Variants in KANSL1L observed in about 807,000 individuals in gnomAD.
KANSL1L encodes the protein KAT8 regulatory NSL complex subunit 1-like protein.
A neutral mutation model predicts 108.6 loss-of-function variants in KANSL1L; 25 were observed. The observed-to-expected ratio is 0.23, with a 90% CI of 0.17 to 0.32. The LOEUF (loss-of-function observed/expected upper bound fraction) is 0.32. KANSL1L is among the 10% of genes least tolerant of loss of function. The pLI is 1.00. For missense variants in KANSL1L, 1,137 were observed against 1,125.7 expected, an observed-to-expected ratio of 1.01 and a Z score of -0.14; for synonymous variants, 405 against 395.1, an observed-to-expected ratio of 1.03 and a Z score of -0.30.
intron 1 of KANSL1L, among the ~76,000 whole-genome samples, chr2:210,169,481 T>G (rs560445962): frequency 6.6e-6 from 1 of 152,310 alleles, no homozygotes; most frequent in East Asian, 1.9e-4. Flanking sequence ...TACAAAATAT[T>G]TATAGTTTTC....
chr2:210,154,660 T>C (rs759721632), intron 1 of KANSL1L, 49 bp from the exon 2 acceptor site: 51 of 1,213,804 alleles, frequency 4.2e-5, no homozygotes, highest in Non-Finnish European at 5.3e-5. Context: ...AAAAATTTTA[T>C]GCTTATACTT....
intron 2 of KANSL1L, chr2:210,151,490 T>C (rs1321861285): frequency 6.6e-6 from 1 of 152,244 alleles, no homozygotes; most frequent in Non-Finnish European, 1.5e-5. Context: ...AGAACACATG[T>C]ACCTAATAAT....
intron 4 of KANSL1L, among the ~76,000 whole-genome samples, chr2:210,101,467 T>C (rs1404039726): frequency 6.6e-6 from 1 of 152,180 alleles, no homozygotes; most frequent in African/African-American, 2.4e-5. Context: ...CAGATTACAA[T>C]TTCCAATGAA....
intron 2 of KANSL1L, among the ~76,000 whole-genome samples, chr2:210,133,653 C>T (rs2095147101): frequency 6.6e-6 from 1 of 152,064 alleles, no homozygotes; most frequent in Non-Finnish European, 1.5e-5. Context: ...CCACAGACTA[C>T]ACTATTCTCC....
chr2:210,079,263 A>C (rs945828741), intron 5 of KANSL1L, among the ~76,000 whole-genome samples: 5 of 152,132 alleles, frequency 3.3e-5, no homozygotes, highest in African/African-American at 9.7e-5. Context: ...TGAGGATGCA[A>C]CAGGCCACCA....
At chr2:210,140,058 T>TTAAC (rs1360831791) in intron 2 of KANSL1L, among the ~76,000 whole-genome samples, 1 of 152,178 alleles carries the variant, frequency 6.6e-6, no homozygotes, top group Non-Finnish European at 1.5e-5. Context: ...ATTGAGTAAT[T>TTAAC]TAACTTCCAT....
At chr2:210,155,599 A>G (rs1462713202) in intron 1 of KANSL1L, among the ~76,000 whole-genome samples, 6 of 152,244 alleles carry the variant, frequency 3.9e-5, no homozygotes, top group Non-Finnish European at 1.5e-5. Context: ...AATAGCGGAG[A>G]CAGTGTCAGA....
At chr2:210,130,459 C>T (rs568609911) in intron 2 of KANSL1L, among the ~76,000 whole-genome samples, 3 of 152,236 alleles carry the variant, frequency 2.0e-5, no homozygotes, top group Admixed American at 2.0e-4. Flanking sequence ...ATTATTATGG[C>T]TTTGCTATAT....
chr2:210,158,794 G>T (rs2095347033), intron 1 of KANSL1L, among the ~76,000 whole-genome samples: 1 of 150,660 alleles, frequency 6.6e-6, no homozygotes, highest in South Asian at 2.1e-4. Flanking sequence ...AAATAAAAAA[G>T]ATTAAATTAT....
At chr2:210,055,646 CTTG>C (rs928891998) in intron 6 of KANSL1L, among the ~76,000 whole-genome samples, 36 of 152,106 alleles carry the variant, frequency 2.4e-4, no homozygotes, top group African/African-American at 8.7e-4. Context: ...AGATGAGGAA[CTTG>C]TTGACAACTG....
intron 1 of KANSL1L, among the ~76,000 whole-genome samples, chr2:210,163,714 T>A (rs1204717388): frequency 6.6e-6 from 1 of 152,108 alleles, no homozygotes; most frequent in African/African-American, 2.4e-5. Context: ...AAAATTATAT[T>A]ACATGAAATT....
chr2:210,065,431 T>C (rs1001095371), intron 6 of KANSL1L, among the ~76,000 whole-genome samples: 1 of 151,792 alleles, frequency 6.6e-6, no homozygotes, highest in Admixed American at 6.6e-5. Context: ...GTTCTCACAG[T>C]TAGACATGGT....
chr2:210,033,670 C>A (rs2094056358), intron 8 of KANSL1L, among the ~76,000 whole-genome samples: 1 of 150,426 alleles, frequency 6.6e-6, no homozygotes, highest in Admixed American at 6.6e-5. Context: ...GCTGGGACTA[C>A]AGGTGGCTGC....
At chr2:210,158,701 T>TA (rs11318111) in intron 1 of KANSL1L, among the ~76,000 whole-genome samples, 1,855 of 136,738 alleles carry the variant, frequency 0.014, 16 homozygotes, top group Middle Eastern at 0.029. Context: ...TGTATCCTTA[T>TA]AAAAAAAAAA....
intron 7 of KANSL1L, among the ~76,000 whole-genome samples, chr2:210,042,323 A>T (rs1027069712): frequency 1.3e-5 from 2 of 152,146 alleles, no homozygotes; most frequent in Non-Finnish European, 2.9e-5. Flanking sequence ...AGGTATTGAG[A>T]TTTTTATTGA....
intron 1 of KANSL1L, chr2:210,155,299 C>T (rs1398536552): frequency 6.6e-6 from 1 of 152,118 alleles, no homozygotes; most frequent in African/African-American, 2.4e-5. Context: ...GTAATCCCAG[C>T]TACTTAGGAG....
intron 12 of KANSL1L, chr2:210,026,317 A>C (rs1291352974): frequency 6.6e-6 from 1 of 152,220 alleles, no homozygotes; most frequent in East Asian, 1.9e-4. Context: ...TTGGTTATAC[A>C]GTATTTTTCC....
At chr2:210,154,667 A>G (rs1559611211) in intron 1 of KANSL1L, 56 bp from the exon 2 acceptor site, 2 of 1,134,426 alleles carry the variant, frequency 1.8e-6, no homozygotes, top group Non-Finnish European at 1.2e-6. Context: ...TTATGCTTAT[A>G]CTTTTTTCTA....
intron 6 of KANSL1L, among the ~76,000 whole-genome samples, chr2:210,061,180 C>T (rs534611077): frequency 1.3e-5 from 2 of 152,248 alleles, no homozygotes; most frequent in South Asian, 2.1e-4. Context: ...AGTAGACTGC[C>T]CTAACTCAAA....
Sources: allele counts gnomAD v4.1 joint callset (sites outside exome capture counted in the v4.1 genomes callset), GRCh38; gene constraint gnomAD v4.1.1; transcripts MANE v1.5; gene names NCBI Gene and HGNC (gene_info 2026-07-23, HGNC 2026-07-21).